The following ABAT variants were observed in gnomAD, a reference collection of about 807,000 sequenced individuals.
ABAT encodes the protein 4-aminobutyrate aminotransferase.
A neutral mutation model predicts 64.6 loss-of-function variants in ABAT; 45 were observed. That is an observed-to-expected ratio of 0.70 (90% CI 0.55 to 0.89). The LOEUF is 0.89. Ranked by LOEUF, ABAT falls within the 40% of genes least tolerant of loss-of-function variation. ABAT has a pLI of 0.00. For synonymous variants in ABAT, 297 were observed against 250.5 expected (o/e 1.19, Z -1.75); for missense variants, 633 against 658.4 (o/e 0.96, Z 0.42).
chr16:8,772,085 G>A (rs1049802070), intron 11 of ABAT, among the ~76,000 whole-genome samples: 17 of 152,220 alleles, frequency 1.1e-4, no homozygotes, highest in South Asian at 2.1e-4. Context: ...TTTTTTAACC[G>A]AGGATATATC....
chr16:8,729,513 T>G lies in ABAT; in HGVS notation c.-41-6186T>G, dbSNP rs143695369. ...TGTTTGAGCAAAGAGAAGGGAGTAA[T>G]GTACCCTTCAGAATGTCTCACAAAG... On this transcript the variant is annotated intron_variant, in intron 1 of 15. Coordinates refer to ENST00000268251, the MANE Select transcript of ABAT (RefSeq NM_020686.6). Among the ~76,000 whole-genome samples, 66 of 152,202 alleles carry G rather than the reference T, an allele frequency of 4.3e-4. 1 individual carries two copies. The East Asian group carries it at 0.012, about 29-fold the overall frequency.
chr16:8,771,904 A>G (rs1454993287), intron 11 of ABAT, among the ~76,000 whole-genome samples: 22 of 151,502 alleles, frequency 1.5e-4, no homozygotes. Context: ...AGCTGAGACT[A>G]CAGGCACGCA....
At chr16:8,722,928 C>T in intron 1 of ABAT, 1 of 1,194,056 alleles carries the variant, frequency 8.4e-7, no homozygotes, top group Non-Finnish European at 1.1e-6. Flanking sequence ...TTCTTAGAGT[C>T]CGAACGGGCC....
rs139736085 is a variant in ABAT, at chr16:8,681,841, C to G, written c.-42+7130C>G. On this transcript the variant is annotated intron_variant, in intron 1 of 15. Coordinates refer to ENST00000268251, the MANE Select transcript of ABAT (RefSeq NM_020686.6). ...ATTTTTAGTGGAGACAGGGTTTCAC[C>G]ATGTTGGCCAGGCTGGTCTTGAACT... is the stretch of plus-strand genomic sequence containing the variant. 3.8e-3 allele frequency among the ~76,000 whole-genome samples: 570 copies of G among 151,466 alleles called. 5 individuals carry two copies. The highest frequency in any genetic ancestry group is 0.013 in the African/African-American group (551 of 41,416).
At chr16:8,682,273 G>T (rs2057354266) in intron 1 of ABAT, among the ~76,000 whole-genome samples, 1 of 151,956 alleles carries the variant, frequency 6.6e-6, no homozygotes, top group Admixed American at 6.6e-5. Context: ...ATGGCTGGGG[G>T]TGTAGATGGA....
At chr16:8,741,143 T>C (rs1304222594) in intron 2 of ABAT, among the ~76,000 whole-genome samples, 7 of 152,388 alleles carry the variant, frequency 4.6e-5, no homozygotes, top group Admixed American at 1.3e-4. Flanking sequence ...CATTCACATA[T>C]TGTGTCTGGT....
At chr16:8,697,238 A>G (rs2057723208) in intron 1 of ABAT, among the ~76,000 whole-genome samples, 1 of 152,164 alleles carries the variant, frequency 6.6e-6, no homozygotes, top group Non-Finnish European at 1.5e-5. Flanking sequence ...GATGCATGGC[A>G]GGTCCCACGT....
intron 1 of ABAT, among the ~76,000 whole-genome samples, chr16:8,698,251 C>G (rs1261188218): frequency 1.3e-5 from 2 of 152,084 alleles, no homozygotes; most frequent in Non-Finnish European, 2.9e-5. Flanking sequence ...AGCAATTGCT[C>G]TGTTCTGTTG....
At chr16:8,743,423 T>TTTTATATATATATATATATATATA (rs1288241223) in intron 2 of ABAT, among the ~76,000 whole-genome samples, 1 of 45,296 alleles carries the variant, frequency 2.2e-5, no homozygotes, top group Admixed American at 3.0e-4. Context: ...ATGGAAACAG[T>TTTTATATATATATATATATATATA]TATATATATA....
At chr16:8,679,322 A>G (rs548519042) in intron 1 of ABAT, among the ~76,000 whole-genome samples, 43 of 152,244 alleles carry the variant, frequency 2.8e-4, no homozygotes, top group African/African-American at 7.9e-4. Flanking sequence ...CAGGAATCTG[A>G]GGCTCATCTC....
At chr16:8,697,051 A>G (rs2057719354) in intron 1 of ABAT, among the ~76,000 whole-genome samples, 1 of 152,200 alleles carries the variant, frequency 6.6e-6, no homozygotes, top group African/African-American at 2.4e-5. Context: ...TGAATCATGA[A>G]CGAATGAGAA....
At chr16:8,750,965 T>TTTC (rs1555490206) in intron 5 of ABAT, among the ~76,000 whole-genome samples, 1 of 141,828 alleles carries the variant, frequency 7.1e-6, no homozygotes, top group Non-Finnish European at 1.5e-5. Flanking sequence ...TTTTTTTTTT[T>TTTC]CCAGACGAAG....
chr16:8,734,693 G>A lies in ABAT; in HGVS notation c.-41-1006G>A, dbSNP rs74008023. On this transcript the variant is annotated intron_variant, in intron 1 of 15. Transcript: ENST00000268251. ...GGAATGACTCATGAATGGTGCTGTC[G>A]CTGTTCTGAGATACAAATTTTGTTC... 3.2e-3 allele frequency among the ~76,000 whole-genome samples: 492 copies of A among 152,252 alleles called. 1 individual carries two copies. The highest frequency in any genetic ancestry group is 0.017 in the Middle Eastern group (5 of 294).
intron 1 of ABAT, among the ~76,000 whole-genome samples, chr16:8,682,056 A>G (rs2057346062): frequency 1.3e-5 from 2 of 152,162 alleles, no homozygotes; most frequent in Admixed American, 1.3e-4. Flanking sequence ...TGTGACAGCC[A>G]GAAATGTCTC....
intron 1 of ABAT, among the ~76,000 whole-genome samples, chr16:8,687,458 G>A (rs565510709): frequency 6.1e-5 from 9 of 147,710 alleles, no homozygotes; most frequent in Admixed American, 2.1e-4. Context: ...CCAGGGAGTC[G>A]GAGGTTGCAA....
intron 1 of ABAT, among the ~76,000 whole-genome samples, chr16:8,691,882 C>T (rs1399839916): frequency 6.6e-6 from 1 of 152,240 alleles, no homozygotes; most frequent in Non-Finnish European, 1.5e-5. Context: ...CAAAGAATTA[C>T]CTGGCCCCAA....
At chr16:8,745,029 C>T (rs1421813951) in intron 2 of ABAT, among the ~76,000 whole-genome samples, 1 of 152,062 alleles carries the variant, frequency 6.6e-6, no homozygotes, top group African/African-American at 2.4e-5. Flanking sequence ...ACTCTGTTGC[C>T]CAGGCTGAAG....
At chr16:8,697,025 G>A (rs2057718571) in intron 1 of ABAT, among the ~76,000 whole-genome samples, 1 of 152,176 alleles carries the variant, frequency 6.6e-6, no homozygotes, top group Non-Finnish European at 1.5e-5. Flanking sequence ...CTTGCGTGCT[G>A]GCGGAGAGGG....
intron 1 of ABAT, among the ~76,000 whole-genome samples, chr16:8,707,812 C>T (rs1431957101): frequency 6.6e-6 from 1 of 151,902 alleles, no homozygotes; most frequent in African/African-American, 2.4e-5. Context: ...TCAAGCAAAC[C>T]TCCAGCCTTG....
Sources: gnomAD v4.1 joint callset for allele counts (sites outside exome capture counted in the v4.1 genomes callset) on GRCh38, gnomAD v4.1.1 for gene constraint, MANE v1.5 for transcripts, NCBI Gene and HGNC (gene_info 2026-07-23, HGNC 2026-07-21) for gene names.